Variants in TSPAN18 observed in about 807,000 individuals in gnomAD.
TSPAN18 encodes tetraspanin 18.
Under a neutral mutation model 27.3 loss-of-function variants are expected in TSPAN18, and 14 were observed. The observed-to-expected ratio is 0.51, with a 90% CI of 0.34 to 0.80. The LOEUF is 0.80. Among genes scored for constraint, TSPAN18 ranks in the 30% least tolerant of loss-of-function variants. TSPAN18 has a pLI of 0.01. For missense variants in TSPAN18, 268 were observed against 323.9 expected (o/e 0.83, Z 1.32); for synonymous variants, 143 against 136.5 (o/e 1.05, Z -0.33).
intron 2 of TSPAN18, among the ~76,000 whole-genome samples, chr11:44,807,906 C>T (rs1314567050): frequency 6.6e-6 from 1 of 152,150 alleles, no homozygotes; most frequent in African/African-American, 2.4e-5. Flanking sequence ...CAGATGCACA[C>T]CCCAGCTGCC....
At chr11:44,925,443 C>T (rs1222064963) in intron 8 of TSPAN18, among the ~76,000 whole-genome samples, 1 of 152,182 alleles carries the variant, frequency 6.6e-6, no homozygotes. Flanking sequence ...TTCTGGGGGA[C>T]TTCCCTGCCC....
At chr11:44,762,348 T>C (rs1025448265) in intron 1 of TSPAN18, among the ~76,000 whole-genome samples, 1 of 152,248 alleles carries the variant, frequency 6.6e-6, no homozygotes, top group Non-Finnish European at 1.5e-5. Context: ...TGACAAATGA[T>C]ATTGCAGAAT....
chr11:44,825,170 G>T (rs1011767081), intron 2 of TSPAN18, among the ~76,000 whole-genome samples: 2 of 152,126 alleles, frequency 1.3e-5, no homozygotes, highest in African/African-American at 2.4e-5. Flanking sequence ...TCAAAGGAGG[G>T]CAGAGCTCCC....
chr11:44,903,291 G>C, intron 3 of TSPAN18: 2 of 393,942 alleles, frequency 5.1e-6, no homozygotes, highest in Non-Finnish European at 1.0e-5. Context: ...GGCATAGTTG[G>C]AAAGGCAATC....
At chr11:44,903,601 T>C (rs1021474716) in intron 3 of TSPAN18, 1 of 456,556 alleles carries the variant, frequency 2.2e-6, no homozygotes, top group African/African-American at 2.0e-5. Flanking sequence ...GCTGCAGCCA[T>C]GTCTGGATGA....
chr11:44,922,244 G>A (rs575817077), intron 8 of TSPAN18, among the ~76,000 whole-genome samples: 2 of 151,832 alleles, frequency 1.3e-5, no homozygotes, highest in East Asian at 3.9e-4. Context: ...AACCTCTCAA[G>A]TAGCTGGGAC....
rs199612874 is a variant in TSPAN18 at position 44,919,917 on chromosome 11, G to A, written c.533G>A (p.Arg178Gln). The A allele has an allele frequency of 4.5e-5, 72 of 1,614,214 alleles. No homozygotes were observed. Among genetic ancestry groups the A allele is most frequent in the Middle Eastern group, 1.6e-4 (1 of 6,062 alleles). ...DSEEVPEACC[R>Q]REPQSRDGVL... The stretch of plus-strand genomic sequence containing the variant: ...GAAGAGGTGCCGGAGGCCTGCTGCC[G>A]GAGGGAACCCCAAAGTCGGGACGGG... The change falls in exon 8 of 10, where the codon CGG becomes CAG. Residue 178 changes from arginine to glutamine, a missense_variant. Coordinates refer to ENST00000520358, the MANE Select transcript of TSPAN18 (RefSeq NM_130783.5).
chr11:44,823,084 T>C (rs1856960947), intron 2 of TSPAN18, among the ~76,000 whole-genome samples: 1 of 152,194 alleles, frequency 6.6e-6, no homozygotes, highest in Non-Finnish European at 1.5e-5. Context: ...ACTTCATTCA[T>C]TACAACATTG....
chr11:44,817,023 G>A (rs1019739370), intron 2 of TSPAN18, among the ~76,000 whole-genome samples: 2 of 152,230 alleles, frequency 1.3e-5, no homozygotes, highest in Non-Finnish European at 1.5e-5. Context: ...AGCTAGCGAG[G>A]TGGGGCCACT....
At chr11:44,751,168 C>A (rs1855201991) in intron 1 of TSPAN18, among the ~76,000 whole-genome samples, 1 of 152,160 alleles carries the variant, frequency 6.6e-6, no homozygotes. Flanking sequence ...CTGGTGCCTG[C>A]CAGCAAGTGT....
chr11:44,860,993 T>C (rs1857863885), intron 3 of TSPAN18, among the ~76,000 whole-genome samples: 1 of 152,106 alleles, frequency 6.6e-6, no homozygotes. Flanking sequence ...TAATAATATA[T>C]ATTCCAAATA....
intron 2 of TSPAN18, among the ~76,000 whole-genome samples, chr11:44,844,776 G>A (rs896004470): frequency 2.0e-5 from 3 of 152,130 alleles, no homozygotes; most frequent in African/African-American, 7.2e-5. Flanking sequence ...TTCCCAGTCT[G>A]TGTTTTGCTT....
chr11:44,926,908 G>A, intron 9 of TSPAN18, 151 bp downstream of exon 9: 1 of 707,318 alleles, frequency 1.4e-6, no homozygotes, highest in Non-Finnish European at 2.4e-6. Context: ...AAGCCCGGCT[G>A]TGTCTGTGCT....
At chr11:44,896,510 G>A (rs1459396590) in intron 3 of TSPAN18, among the ~76,000 whole-genome samples, 1 of 152,102 alleles carries the variant, frequency 6.6e-6, no homozygotes, top group Non-Finnish European at 1.5e-5. Flanking sequence ...ACACAGATGG[G>A]GCAGGCAGTT....
chr11:44,913,353 T>C (rs879528827), intron 5 of TSPAN18, among the ~76,000 whole-genome samples: 9 of 152,208 alleles, frequency 5.9e-5, no homozygotes, highest in South Asian at 2.1e-4. Context: ...TCAATTTATC[T>C]ATCTAAAGGT....
At chr11:44,884,785 G>C (rs1858593945) in intron 3 of TSPAN18, among the ~76,000 whole-genome samples, 1 of 152,254 alleles carries the variant, frequency 6.6e-6, no homozygotes, top group South Asian at 2.1e-4. Flanking sequence ...AGACTTGCCA[G>C]AAGCTGCACA....
intron 3 of TSPAN18, among the ~76,000 whole-genome samples, chr11:44,878,973 C>G (rs1302546409): frequency 6.6e-6 from 1 of 152,174 alleles, no homozygotes; most frequent in Non-Finnish European, 1.5e-5. Context: ...GCTAATAGCA[C>G]CTCCCCAGGG....
intron 3 of TSPAN18, among the ~76,000 whole-genome samples, chr11:44,885,395 A>T (rs1321165622): frequency 6.6e-6 from 1 of 151,716 alleles, no homozygotes; most frequent in Non-Finnish European, 1.5e-5. Flanking sequence ...TGGTGCTCTG[A>T]AAGGGTGACT....
chr11:44,747,376 C>G (rs1169041350), intron 1 of TSPAN18, among the ~76,000 whole-genome samples: 2 of 152,184 alleles, frequency 1.3e-5, no homozygotes, highest in African/African-American at 4.8e-5. Flanking sequence ...ATGTGGGGAC[C>G]AAGGGACTTC....
Sources: gnomAD v4.1 joint callset for allele counts (sites outside exome capture counted in the v4.1 genomes callset) on GRCh38, gnomAD v4.1.1 for gene constraint, MANE v1.5 for transcripts, NCBI Gene and HGNC (gene_info 2026-07-23, HGNC 2026-07-21) for gene names.